MACROD2: variants seen among roughly 807,000 people sequenced by gnomAD.
MACROD2 encodes mono-ADP ribosylhydrolase 2, also known as ADP-ribose glycohydrolase MACROD2.
Under a neutral mutation model 70.4 loss-of-function variants are expected in MACROD2, and 36 were observed. The ratio of observed to expected loss-of-function variants is 0.51; its 90% CI spans 0.39 to 0.68. MACROD2 has a LOEUF of 0.68. MACROD2 is among the 30% of genes least tolerant of loss of function. The pLI, the probability that MACROD2 is intolerant of heterozygous loss-of-function variation, is 0.00. For missense variants in MACROD2, 496 were observed against 538.4 expected, an observed-to-expected ratio of 0.92 and a Z score of 0.78; for synonymous variants, 172 against 178.8, an observed-to-expected ratio of 0.96 and a Z score of 0.30.
At chr20:14,813,383 G>A (rs1159821011) in intron 5 of MACROD2, among the ~76,000 whole-genome samples, 1 of 146,308 alleles carries the variant, frequency 6.8e-6, no homozygotes, top group East Asian at 2.0e-4. Flanking sequence ...CCCAGTGTAT[G>A]TTGTTTCCCT....
intron 4 of MACROD2, among the ~76,000 whole-genome samples, chr20:14,653,338 C>G (rs367876840): frequency 2.6e-5 from 4 of 151,912 alleles, no homozygotes; most frequent in African/African-American, 7.2e-5. Flanking sequence ...CCTGCGTCAG[C>G]GTCCTGAGTA....
At chr20:14,286,469 C>T (rs1019674675) in intron 3 of MACROD2, among the ~76,000 whole-genome samples, 6 of 152,044 alleles carry the variant, frequency 3.9e-5, no homozygotes, top group Non-Finnish European at 5.9e-5. Flanking sequence ...AGCCAACAAC[C>T]GAAATCCATT....
rs77209463 is a variant in MACROD2 at position 14,668,400 on chromosome 20, T to C, written c.302-16443T>C. ...GCTCCATTTACTTCTGTAAATGTATTTTTCTTTGGTAGCAGCCTTGCAGGA... is the reference window on the plus strand; with the variant it reads ...GCTCCATTTACTTCTGTAAATGTATCTTTCTTTGGTAGCAGCCTTGCAGGA... On this transcript the variant is annotated intron_variant, in intron 4 of 17. Transcript: ENST00000684519. 2.7e-3 allele frequency among the ~76,000 whole-genome samples: 404 copies of C among 152,188 alleles called. 1 individual carries two copies. The highest frequency in any genetic ancestry group is 9.3e-3 in the African/African-American group (385 of 41,528).
chr20:15,850,414 A>G (rs1014781372), intron 8 of MACROD2, among the ~76,000 whole-genome samples: 1 of 152,204 alleles, frequency 6.6e-6, no homozygotes, highest in Non-Finnish European at 1.5e-5. Flanking sequence ...CCCTCAGGCA[A>G]AGAAGTGCAG....
chr20:14,224,070 T>C (rs2081708664), intron 3 of MACROD2, among the ~76,000 whole-genome samples: 1 of 152,132 alleles, frequency 6.6e-6, no homozygotes, highest in Non-Finnish European at 1.5e-5. Context: ...GGCTCACCCA[T>C]ATTATGGAGG....
chr20:14,084,467 A>G (rs183763416), intron 2 of MACROD2, among the ~76,000 whole-genome samples: 410 of 152,334 alleles, frequency 2.7e-3, no homozygotes, highest in Non-Finnish European at 4.4e-3. Flanking sequence ...AAAAATATAA[A>G]TCAGCTTTCC....
intron 5 of MACROD2, among the ~76,000 whole-genome samples, chr20:15,074,178 G>C: frequency 6.6e-6 from 1 of 152,108 alleles, no homozygotes; most frequent in South Asian, 2.1e-4. Flanking sequence ...TTAAGGATGG[G>C]GGCTGGTCAC....
chr20:14,123,791 A>G (rs1416618284), intron 3 of MACROD2, among the ~76,000 whole-genome samples: 2 of 152,184 alleles, frequency 1.3e-5, no homozygotes, highest in African/African-American at 4.8e-5. Context: ...AGAATAGGAA[A>G]TAGTGAAGAG....
chr20:14,899,244 A>G (rs1298016951), intron 5 of MACROD2, among the ~76,000 whole-genome samples: 2 of 152,150 alleles, frequency 1.3e-5, no homozygotes, highest in Non-Finnish European at 2.9e-5. Flanking sequence ...TTATTTTGCT[A>G]TGCTTTTTTA....
At chr20:14,369,541 T>C (rs2083303620) in intron 3 of MACROD2, among the ~76,000 whole-genome samples, 1 of 152,204 alleles carries the variant, frequency 6.6e-6, no homozygotes, top group Admixed American at 6.5e-5. Flanking sequence ...TTTGTTAGAG[T>C]TGATTCTGAC....
intron 5 of MACROD2, among the ~76,000 whole-genome samples, chr20:14,696,442 G>A (rs554428027): frequency 1.3e-5 from 2 of 152,256 alleles, no homozygotes; most frequent in South Asian, 4.1e-4. Flanking sequence ...GTGAAGCAGA[G>A]GTAACTTCTC....
At chr20:14,857,551 C>G (rs1363788721) in intron 5 of MACROD2, among the ~76,000 whole-genome samples, 1 of 152,144 alleles carries the variant, frequency 6.6e-6, no homozygotes, top group African/African-American at 2.4e-5. Context: ...GGGAGCCCTG[C>G]CTTAGCACAC....
chr20:15,423,055 G>C (rs1388440882), intron 6 of MACROD2, among the ~76,000 whole-genome samples: 1 of 151,868 alleles, frequency 6.6e-6, no homozygotes. Flanking sequence ...TGGAAAACAA[G>C]CATTACTTGT....
At chr20:15,271,519 A>T (rs2077346108) in intron 6 of MACROD2, among the ~76,000 whole-genome samples, 1 of 152,214 alleles carries the variant, frequency 6.6e-6, no homozygotes, top group Non-Finnish European at 1.5e-5. Context: ...CAGTTTCCAA[A>T]ACAGCACAGG....
intron 15 of MACROD2, among the ~76,000 whole-genome samples, chr20:16,022,047 C>CTT (rs543662575): frequency 0.15 from 16,749 of 108,746 alleles, 1,393 homozygotes; most frequent in East Asian, 0.23. Flanking sequence ...GTTTCAGTTT[C>CTT]TTTTTTTTTT....
intron 4 of MACROD2, among the ~76,000 whole-genome samples, chr20:14,676,605 G>C (rs533795689): frequency 1.1e-4 from 16 of 152,234 alleles, no homozygotes; most frequent in Admixed American, 2.0e-4. Flanking sequence ...ATGCCCACAG[G>C]AGAAAGTGTG....
chr20:15,458,636 TTTTAAA>T (rs1568823432), intron 7 of MACROD2, among the ~76,000 whole-genome samples: 18 of 130,460 alleles, frequency 1.4e-4, no homozygotes, highest in Admixed American at 2.9e-4. Flanking sequence ...TGTTTTTTTT[TTTTAAA>T]AAAAAAAAAG....
At chr20:15,490,560 C>T (rs1365530781) in intron 7 of MACROD2, among the ~76,000 whole-genome samples, 3 of 152,112 alleles carry the variant, frequency 2.0e-5, no homozygotes, top group African/African-American at 7.2e-5. Context: ...CGCACCTGGC[C>T]TTGGGAGTTT....
intron 6 of MACROD2, among the ~76,000 whole-genome samples, chr20:15,266,209 C>A (rs1360857444): frequency 6.6e-6 from 1 of 152,124 alleles, no homozygotes; most frequent in East Asian, 1.9e-4. Context: ...TTAGTAAACA[C>A]AGTACTACAT....
Sources: allele counts gnomAD v4.1 joint callset (sites outside exome capture counted in the v4.1 genomes callset), GRCh38; gene constraint gnomAD v4.1.1; transcripts MANE v1.5; gene names NCBI Gene and HGNC (gene_info 2026-07-23, HGNC 2026-07-21).